Variants in SPINK8 observed in about 807,000 individuals in gnomAD.
SPINK8 encodes serine peptidase inhibitor Kazal type 8 (putative).
Under a neutral mutation model 14.4 loss-of-function variants are expected in SPINK8, and 12 were observed. The ratio of observed to expected loss-of-function variants is 0.83; its 90% CI spans 0.53 to 1.35. The LOEUF is 1.35. Among genes scored for constraint, SPINK8 ranks in the 40% most tolerant of loss-of-function variants. The pLI, the probability that SPINK8 is intolerant of heterozygous loss-of-function variation, is 0.00. For missense variants in SPINK8, 103 were observed against 117.0 expected (o/e 0.88, Z 0.55); for synonymous variants, 32 against 37.6 (o/e 0.85, Z 0.55).
chr3:48,314,668 C>T (rs531139798), intron 6 of SPINK8, among the ~76,000 whole-genome samples: 24 of 152,304 alleles, frequency 1.6e-4, no homozygotes, highest in Admixed American at 3.9e-4. Context: ...TCTCTTGGTG[C>T]AAACAGCCTT....
intron 4 of SPINK8, among the ~76,000 whole-genome samples, chr3:48,323,838 G>C (rs987055402): frequency 3.3e-5 from 5 of 151,086 alleles, no homozygotes; most frequent in Non-Finnish European, 7.4e-5. Flanking sequence ...CTGAAACATT[G>C]ACCTGTATTT....
chr3:48,306,865 G>T lies in SPINK8; in HGVS notation c.*127C>A. ...GGTTTTCTGCTAAGAATCATTTATT[G>T]AAGACATAAATCAACGAGTTTGATC... On this transcript the variant is annotated 3_prime_UTR_variant, in exon 8 of 8. Coordinates refer to ENST00000434006, the MANE Select transcript of SPINK8 (RefSeq NM_001080525.3). The T allele has an allele frequency of 1.1e-6, 1 of 881,880 alleles. No individual in the cohort carries two copies. The highest frequency in any genetic ancestry group is 1.8e-6 in the Non-Finnish European group (1 of 571,382). 54.6% of individuals were successfully genotyped at this position (881,880 alleles called of 1,614,324 possible).
At chr3:48,325,463 TG>T (rs1385385547) in intron 4 of SPINK8, among the ~76,000 whole-genome samples, 1 of 151,848 alleles carries the variant, frequency 6.6e-6, no homozygotes, top group Non-Finnish European at 1.5e-5. Flanking sequence ...CTCACTCTGT[TG>T]CCCAGGCTGT....
chr3:48,329,279 A>C lies in SPINK8; in HGVS notation c.-135-5T>G, dbSNP rs13090538. On this transcript the variant is annotated splice_region_variant and splice_polypyrimidine_tract_variant and intron_variant, in intron 2 of 7. Coordinates refer to ENST00000434006, the MANE Select transcript of SPINK8 (RefSeq NM_001080525.3). ...GTCTTTTCAAGGTTCCAATGCCTGG[A>C]AGTAGAAGAGAGTGAGCTTTGAAAT... 0.22 allele frequency among the ~76,000 whole-genome samples: 32,785 copies of C among 152,204 alleles called. 4,352 individuals are homozygous for C. The highest frequency in any genetic ancestry group is 0.3 in the South Asian group (1,438 of 4,830).
chr3:48,323,041 G>A (rs1236425980), intron 4 of SPINK8, among the ~76,000 whole-genome samples: 3 of 152,126 alleles, frequency 2.0e-5, no homozygotes, highest in Non-Finnish European at 4.4e-5. Context: ...AGCAAGGCAC[G>A]ATGGCTTCAA....
At position 48,319,495 on chromosome 3, in the gene SPINK8, A is replaced by G; in HGVS notation, c.239+2T>C. The G allele has an allele frequency of 6.2e-7, 1 of 1,613,964 alleles. No homozygotes were observed. The highest frequency in any genetic ancestry group is 1.1e-5 in the South Asian group (1 of 91,072). ...GAAAGGGAGAACAAAATTAGGACTT[A>G]CAGAATTTTGGAGCACAGATGGCAG... On this transcript the variant is annotated splice_donor_variant, in intron 6 of 7. Coordinates refer to ENST00000434006, the MANE Select transcript of SPINK8 (RefSeq NM_001080525.3). LOFTEE classifies it high-confidence loss of function.
chr3:48,319,409 T>A (rs1288244019), intron 6 of SPINK8, 88 bp downstream of exon 6: 51 of 1,462,528 alleles, frequency 3.5e-5, no homozygotes, highest in Admixed American at 7.4e-5. Flanking sequence ...CATTGGATGA[T>A]GTAGGAAGTG....
chr3:48,329,733 G>A (rs1012119516), intron 2 of SPINK8, among the ~76,000 whole-genome samples: 2 of 152,186 alleles, frequency 1.3e-5, no homozygotes, highest in African/African-American at 2.4e-5. Flanking sequence ...CATAATCACA[G>A]CTCACTGCAG....
intron 4 of SPINK8, among the ~76,000 whole-genome samples, chr3:48,327,695 A>G (rs2036165440): frequency 6.6e-6 from 1 of 152,198 alleles, no homozygotes; most frequent in African/African-American, 2.4e-5. Context: ...TACGTAAGAT[A>G]TGAGAGTCAT....
intron 2 of SPINK8, among the ~76,000 whole-genome samples, chr3:48,329,977 C>T (rs1037743407): frequency 4.6e-5 from 7 of 152,170 alleles, no homozygotes; most frequent in African/African-American, 1.7e-4. Flanking sequence ...TCTCAAAACG[C>T]TAACATTTTT....
intron 4 of SPINK8, among the ~76,000 whole-genome samples, chr3:48,325,083 G>T (rs944079942): frequency 6.6e-6 from 1 of 151,978 alleles, no homozygotes; most frequent in East Asian, 1.9e-4. Flanking sequence ...AGTATATTTT[G>T]TCTGATATTA....
At chr3:48,319,761 C>T (rs1393475180) in intron 5 of SPINK8, 143 bp from the exon 6 acceptor site, 2 of 1,129,642 alleles carry the variant, frequency 1.8e-6, no homozygotes, top group Non-Finnish European at 2.5e-6. Context: ...CAGTGTTTGA[C>T]CCCAACAGTT....
intron 7 of SPINK8, among the ~76,000 whole-genome samples, chr3:48,308,885 A>G (rs7624450): frequency 0.22 from 32,870 of 152,138 alleles, 4,325 homozygotes; most frequent in South Asian, 0.3. Context: ...CGGTCCAGAT[A>G]TAAAAGGAGG....
chr3:48,310,958 C>A (rs974867222), intron 6 of SPINK8, among the ~76,000 whole-genome samples: 8 of 152,210 alleles, frequency 5.3e-5, no homozygotes, highest in Middle Eastern at 3.4e-3. Flanking sequence ...AGACCAATAT[C>A]CCTTGTGAAT....
chr3:48,320,965 T>C, intron 5 of SPINK8, 60 bp downstream of exon 5: 2 of 1,535,440 alleles, frequency 1.3e-6, no homozygotes, highest in Non-Finnish European at 1.8e-6. Context: ...AGCTGGGGCT[T>C]TTGGGCAAAC....
At chr3:48,323,833 A>G (rs2036106091) in intron 4 of SPINK8, among the ~76,000 whole-genome samples, 1 of 151,922 alleles carries the variant, frequency 6.6e-6, no homozygotes, top group South Asian at 2.1e-4. Context: ...TATGACTGAA[A>G]CATTGACCTG....
Position 48,309,912 on chromosome 3 carries a change from C to T in SPINK8, c.274G>A (p.Gly92Arg). The T allele has an allele frequency of 6.9e-7, 1 of 1,450,096 alleles. No individual in the cohort carries two copies. Among genetic ancestry groups the T allele is most frequent in the Non-Finnish European group, 9.1e-7 (1 of 1,103,622 alleles). The allele number at this position is 1,450,096 out of a possible 1,614,324, so 89.8% of individuals were successfully genotyped here. The change falls in exon 7 of 8, where the codon GGA (glycine) becomes AGA (arginine). Residue 92 changes from glycine to arginine, a missense_variant. Coordinates refer to ENST00000434006, the MANE Select transcript of SPINK8 (RefSeq NM_001080525.3). The part of the protein sequence containing the change: ...EGLNITKLYD[G>R]QCENS The stretch of plus-strand genomic sequence containing the variant: ...AAAGTGTCTTTACTTACACATTGTC[C>T]ATCATACAGTTTAGTTATGTTAAGC...
chr3:48,320,164 G>T (rs2036053263), intron 5 of SPINK8, among the ~76,000 whole-genome samples: 4 of 150,994 alleles, frequency 2.6e-5, no homozygotes. Flanking sequence ...CCTGCCCTCT[G>T]TAACCTAACA....
At chr3:48,321,343 A>G (rs2036072009) in intron 4 of SPINK8, among the ~76,000 whole-genome samples, 1 of 152,116 alleles carries the variant, frequency 6.6e-6, no homozygotes, top group Admixed American at 6.5e-5. Context: ...TTTTTTTAGT[A>G]AACATGCTCT....
Sources: allele counts gnomAD v4.1 joint callset (sites outside exome capture counted in the v4.1 genomes callset), GRCh38; gene constraint gnomAD v4.1.1; transcripts MANE v1.5; gene names NCBI Gene and HGNC (gene_info 2026-07-23, HGNC 2026-07-21).